The following LARGE1 variants were observed in gnomAD, a reference collection of about 807,000 sequenced individuals.
LARGE1 encodes xylosyl- and glucuronyltransferase LARGE1.
In LARGE1, 43 loss-of-function variants were observed where a neutral mutation model predicts 87.6. That is an observed-to-expected ratio of 0.49 (90% confidence interval 0.38 to 0.63). The LOEUF (loss-of-function observed/expected upper bound fraction) is 0.63, where lower values mean the gene tolerates loss of function less well. LARGE1 is among the 30% of genes least tolerant of loss of function. LARGE1 has a pLI of 0.00. For missense variants in LARGE1, 802 were observed against 1,000.2 expected, an observed-to-expected ratio of 0.80 and a Z score of 2.67; for synonymous variants, 434 against 394.6, an observed-to-expected ratio of 1.10 and a Z score of -1.18.
At chr22:33,836,725 G>C (rs554109027) in intron 1 of LARGE1, among the ~76,000 whole-genome samples, 1 of 151,588 alleles carries the variant, frequency 6.6e-6, no homozygotes, top group East Asian at 1.9e-4. Context: ...ACCTAGACCA[G>C]TAACTTAACC....
chr22:33,715,855 C>T (rs1054574495), intron 2 of LARGE1, among the ~76,000 whole-genome samples: 6 of 152,222 alleles, frequency 3.9e-5, no homozygotes, highest in African/African-American at 1.4e-4. Context: ...TCCATGGAAA[C>T]GCGGCAGATC....
intron 11 of LARGE1, among the ~76,000 whole-genome samples, chr22:33,227,367 C>T (rs537741886): frequency 5.3e-5 from 8 of 152,258 alleles, no homozygotes; most frequent in East Asian, 3.9e-4. Flanking sequence ...CAAGCTTAAA[C>T]GGTGAGGCCT....
chr22:33,480,615 T>G (rs1297991529), intron 6 of LARGE1, among the ~76,000 whole-genome samples: 2 of 152,220 alleles, frequency 1.3e-5, no homozygotes, highest in Non-Finnish European at 2.9e-5. Context: ...AATTTCATGT[T>G]TCCAATAACT....
chr22:33,419,234 G>A (rs575966465), intron 7 of LARGE1, among the ~76,000 whole-genome samples: 66 of 152,020 alleles, frequency 4.3e-4, no homozygotes, highest in Middle Eastern at 3.4e-3. Flanking sequence ...ACAGCATAGG[G>A]GAACCACCCC....
the LARGE1 span, among the ~76,000 whole-genome samples, chr22:33,123,478 A>T: frequency 6.6e-6 from 1 of 152,170 alleles, no homozygotes; most frequent in African/African-American, 2.4e-5. Context: ...ATGTCTAGTA[A>T]GGATTTCTAC....
At chr22:33,710,811 C>T (rs1342120010) in intron 2 of LARGE1, among the ~76,000 whole-genome samples, 1 of 152,114 alleles carries the variant, frequency 6.6e-6, no homozygotes, top group East Asian at 1.9e-4. Context: ...TTCTTTAAAA[C>T]CAGGGGCACA....
intron 2 of LARGE1, among the ~76,000 whole-genome samples, chr22:33,672,842 G>T (rs769016381): frequency 1.3e-5 from 2 of 152,246 alleles, no homozygotes; most frequent in Non-Finnish European, 2.9e-5. Flanking sequence ...GCCAGGTGCT[G>T]AAGACAGTTG....
At chr22:33,666,817 A>T (rs1320573226) in intron 2 of LARGE1, among the ~76,000 whole-genome samples, 1 of 152,132 alleles carries the variant, frequency 6.6e-6, no homozygotes, top group African/African-American at 2.4e-5. Flanking sequence ...ATTAAGTGAA[A>T]CTTGGGGCTT....
Position 33,435,218 on chromosome 22 carries a change from T to C in LARGE1, c.788-2953A>G, listed in dbSNP as rs548902626. On this transcript the variant is annotated intron_variant, in intron 6 of 14. Transcript: ENST00000397394. ...GGTTTCGCCATGTTGACCAGGCTGA[T>C]CTCGAACTCCTAACCTCAGGCGATC... 2.0e-5 allele frequency among the ~76,000 whole-genome samples: 3 copies of C among 152,240 alleles called. No homozygotes were observed. The East Asian group carries it at 5.8e-4, about 29-fold the overall frequency.
chr22:33,795,850 G>A (rs890356598), intron 1 of LARGE1, among the ~76,000 whole-genome samples: 1 of 152,050 alleles, frequency 6.6e-6, no homozygotes, highest in Non-Finnish European at 1.5e-5. Context: ...GGTCTGTCGT[G>A]GGGTGGGGGG....
At position 33,834,503 on chromosome 22, in the gene LARGE1, G is replaced by A. The variant is rs573788406; in HGVS notation, c.-82-72945C>T. On this transcript the variant is annotated intron_variant, in intron 1 of 14. Transcript: ENST00000397394. ...TTGTGTCCCCCACCCCTGCCAGCTA[G>A]AGAACAACCCCCTTTGATTGTAATT... is the stretch of plus-strand genomic sequence containing the variant. 7.9e-5 allele frequency among the ~76,000 whole-genome samples: 12 copies of A among 152,088 alleles called. No homozygotes were observed. The South Asian group carries it at 2.1e-3, about 26-fold the overall frequency.
intron 1 of LARGE1, among the ~76,000 whole-genome samples, chr22:33,766,941 T>TATATATATATATATAC (rs2084924469): frequency 2.6e-5 from 1 of 37,764 alleles, no homozygotes; most frequent in African/African-American, 7.4e-5. Context: ...TATATATATA[T>TATATATATATATATAC]ATATATATAT....
chr22:33,726,235 G>A (rs2083269650), intron 2 of LARGE1: 1 of 152,094 alleles, frequency 6.6e-6, no homozygotes. Flanking sequence ...CAGACAGGCA[G>A]ACAGATTGAG....
chr22:33,609,193 G>C (rs1195422961), intron 4 of LARGE1, among the ~76,000 whole-genome samples: 1 of 152,172 alleles, frequency 6.6e-6, no homozygotes, highest in Non-Finnish European at 1.5e-5. Flanking sequence ...GGCAGCTTAC[G>C]ATCTTGGAGA....
At chr22:33,233,613 C>T (rs1278949316) in intron 11 of LARGE1, among the ~76,000 whole-genome samples, 1 of 152,050 alleles carries the variant, frequency 6.6e-6, no homozygotes, top group East Asian at 1.9e-4. Context: ...AAAGAGTTCC[C>T]AGACAAGGGA....
chr22:33,732,523 T>C (rs2149484468), intron 2 of LARGE1: 1 of 152,590 alleles, frequency 6.6e-6, no homozygotes, highest in Admixed American at 6.5e-5. Flanking sequence ...TTTGGGAAGT[T>C]GACAGAGAAT....
chr22:33,337,193 C>T (rs1233757611), intron 10 of LARGE1, among the ~76,000 whole-genome samples: 1 of 152,094 alleles, frequency 6.6e-6, no homozygotes, highest in African/African-American at 2.4e-5. Context: ...TTAGTACCTA[C>T]CTAACACTGT....
intron 9 of LARGE1, among the ~76,000 whole-genome samples, chr22:33,355,040 A>G (rs1388668088): frequency 6.6e-6 from 1 of 152,254 alleles, no homozygotes; most frequent in East Asian, 1.9e-4. Flanking sequence ...TTCATGTACC[A>G]CAGTAAAAAT....
intron 1 of LARGE1, among the ~76,000 whole-genome samples, chr22:33,902,282 C>T (rs1394232745): frequency 1.3e-5 from 2 of 152,220 alleles, no homozygotes; most frequent in Non-Finnish European, 2.9e-5. Flanking sequence ...GGCCAATCCA[C>T]TGCTCCAGTG....
Sources: gnomAD v4.1 joint callset for allele counts (sites outside exome capture counted in the v4.1 genomes callset) on GRCh38, gnomAD v4.1.1 for gene constraint, MANE v1.5 for transcripts, NCBI Gene and HGNC (gene_info 2026-07-23, HGNC 2026-07-21) for gene names.